Variants in NALF1 observed in about 807,000 individuals in gnomAD.
NALF1 encodes the protein family with sequence similarity 155 member A.
A neutral mutation model predicts 48.4 loss-of-function variants in NALF1; 3 were observed. The ratio of observed to expected loss-of-function variants is 0.06; its 90% CI spans 0.03 to 0.16. The LOEUF (loss-of-function observed/expected upper bound fraction) is 0.16, where lower values mean the gene tolerates loss of function less well. Ranked by LOEUF, NALF1 falls within the 10% of genes least tolerant of loss-of-function variation. NALF1 has a pLI of 1.00. For synonymous variants in NALF1, 262 were observed against 245.7 expected, an observed-to-expected ratio of 1.07 and a Z score of -0.62; for missense variants, 526 against 571.5, an observed-to-expected ratio of 0.92 and a Z score of 0.81.
intron 1 of NALF1, among the ~76,000 whole-genome samples, chr13:107,667,003 A>G (rs1880876091): frequency 6.6e-6 from 1 of 152,088 alleles, no homozygotes; most frequent in Non-Finnish European, 1.5e-5. Context: ...TTTTTACATA[A>G]TATGCATTTT....
intron 1 of NALF1, among the ~76,000 whole-genome samples, chr13:107,271,397 G>C (rs997474266): frequency 2.6e-5 from 4 of 152,104 alleles, no homozygotes; most frequent in Non-Finnish European, 2.9e-5. Flanking sequence ...GGAAATGTGG[G>C]AGGCCTCTGC....
intron 1 of NALF1, among the ~76,000 whole-genome samples, chr13:107,221,399 A>G (rs920038992): frequency 1.3e-5 from 2 of 152,076 alleles, no homozygotes; most frequent in Non-Finnish European, 2.9e-5. Context: ...CCAACCTGGC[A>G]AAACTCTGTC....
chr13:107,250,131 C>T (rs1207400953), intron 1 of NALF1, among the ~76,000 whole-genome samples: 1 of 150,910 alleles, frequency 6.6e-6, no homozygotes, highest in African/African-American at 2.4e-5. Flanking sequence ...TATTAATATG[C>T]AGCCAGGGTT....
At chr13:107,646,419 C>G (rs534402501) in intron 1 of NALF1, among the ~76,000 whole-genome samples, 1 of 152,094 alleles carries the variant, frequency 6.6e-6, no homozygotes, top group East Asian at 1.9e-4. Context: ...GGATTTTCGT[C>G]TTTTCTAAAA....
rs1245011704 is a variant in NALF1 at position 107,169,044 on chromosome 13, C to G, written c.*1453G>C. On this transcript the variant is annotated 3_prime_UTR_variant, in exon 3 of 3. Coordinates refer to ENST00000375915, the MANE Select transcript of NALF1 (RefSeq NM_001080396.3). ...TTAACTCTTCCTTCCACTGATTCTA[C>G]TGTAAACTCATAAAAGCCTTTTATA... 6.6e-6 allele frequency: 1 copy of G among 152,470 alleles called. No individual in the cohort carries two copies. The highest frequency in any genetic ancestry group is 1.5e-5 in the Non-Finnish European group (1 of 68,018). 9.4% of individuals were successfully genotyped at this position (152,470 alleles called of 1,614,324 possible).
intron 1 of NALF1, among the ~76,000 whole-genome samples, chr13:107,686,188 T>C (rs1307979440): frequency 1.3e-5 from 2 of 152,064 alleles, no homozygotes; most frequent in Non-Finnish European, 2.9e-5. Flanking sequence ...TCCTGTAGTA[T>C]GGTAGAAGCA....
At chr13:107,368,872 C>T (rs569527653) in intron 1 of NALF1, among the ~76,000 whole-genome samples, 5 of 152,258 alleles carry the variant, frequency 3.3e-5, no homozygotes, top group African/African-American at 1.2e-4. Context: ...TATGGATCTC[C>T]GTGTACATTT....
At chr13:107,318,238 T>G (rs1882187619) in intron 1 of NALF1, among the ~76,000 whole-genome samples, 2 of 152,144 alleles carry the variant, frequency 1.3e-5, no homozygotes, top group African/African-American at 4.8e-5. Flanking sequence ...ATTCAAAATA[T>G]AACAAAGCTT....
At chr13:107,317,827 T>C (rs554666973) in intron 1 of NALF1, among the ~76,000 whole-genome samples, 2 of 151,814 alleles carry the variant, frequency 1.3e-5, no homozygotes, top group African/African-American at 2.4e-5. Context: ...AAATGAAGCA[T>C]TAAAACATAA....
intron 1 of NALF1, among the ~76,000 whole-genome samples, chr13:107,356,930 G>C (rs9587363): frequency 5.3e-5 from 8 of 152,130 alleles, no homozygotes; most frequent in African/African-American, 1.9e-4. Context: ...TACTGTTTCT[G>C]CTTTATCTGG....
chr13:107,551,856 T>C (rs1030583715), intron 1 of NALF1, among the ~76,000 whole-genome samples: 18 of 152,160 alleles, frequency 1.2e-4, no homozygotes, highest in African/African-American at 3.6e-4. Flanking sequence ...AGGTCTACTC[T>C]GTACCTCTTA....
At chr13:107,504,502 T>G (rs1437991350) in intron 1 of NALF1, among the ~76,000 whole-genome samples, 1 of 152,204 alleles carries the variant, frequency 6.6e-6, no homozygotes, top group Non-Finnish European at 1.5e-5. Flanking sequence ...TTTTGCTATC[T>G]ACATATCCCA....
At chr13:107,636,439 G>A (rs1879978622) in intron 1 of NALF1, among the ~76,000 whole-genome samples, 1 of 152,084 alleles carries the variant, frequency 6.6e-6, no homozygotes, top group Non-Finnish European at 1.5e-5. Flanking sequence ...ATTGATTTGT[G>A]GGTGCCCCAT....
chr13:107,562,505 G>A (rs575474673), intron 1 of NALF1, among the ~76,000 whole-genome samples: 2 of 152,250 alleles, frequency 1.3e-5, no homozygotes, highest in African/African-American at 4.8e-5. Flanking sequence ...CAGCACAGGG[G>A]TCTGTGAAGA....
At chr13:107,330,493 G>C (rs1230223777) in intron 1 of NALF1, among the ~76,000 whole-genome samples, 1 of 152,154 alleles carries the variant, frequency 6.6e-6, no homozygotes, top group African/African-American at 2.4e-5. Flanking sequence ...CATCTTGGTA[G>C]CTATTAAAGT....
At chr13:107,829,443 C>T (rs12584942) in intron 1 of NALF1, among the ~76,000 whole-genome samples, 26,274 of 151,984 alleles carry the variant, frequency 0.17, 2,807 homozygotes, top group East Asian at 0.51. Context: ...CATAAATATA[C>T]TCCCACAATA....
chr13:107,494,897 T>C (rs1162841053), intron 1 of NALF1, among the ~76,000 whole-genome samples: 2 of 152,188 alleles, frequency 1.3e-5, no homozygotes, highest in African/African-American at 4.8e-5. Context: ...GGTTTGGGCA[T>C]TGTGAAGAAC....
chr13:107,824,002 T>G (rs760663486), intron 1 of NALF1, among the ~76,000 whole-genome samples: 18 of 151,766 alleles, frequency 1.2e-4, no homozygotes, highest in African/African-American at 4.4e-4. Flanking sequence ...ATTATTATTA[T>G]TATTGGTCCC....
intron 1 of NALF1, among the ~76,000 whole-genome samples, chr13:107,596,989 T>C (rs977935749): frequency 1.3e-5 from 2 of 152,186 alleles, no homozygotes; most frequent in Admixed American, 6.6e-5. Context: ...ACAATGATGA[T>C]TGGAACTTCT....
Sources: gnomAD v4.1 joint callset for allele counts (sites outside exome capture counted in the v4.1 genomes callset) on GRCh38, gnomAD v4.1.1 for gene constraint, MANE v1.5 for transcripts, NCBI Gene and HGNC (gene_info 2026-07-23, HGNC 2026-07-21) for gene names.